The following IL1RAPL2 variants were observed in gnomAD, a reference collection of about 807,000 sequenced individuals.
The protein encoded by IL1RAPL2 is interleukin 1 receptor accessory protein like 2.
IL1RAPL2 carries 3 observed loss-of-function variants against 44.1 expected under a neutral mutation model. That is an observed-to-expected ratio of 0.07 (90% confidence interval 0.03 to 0.18). The LOEUF (loss-of-function observed/expected upper bound fraction) is 0.18, where lower values mean the gene tolerates loss of function less well. Ranked by LOEUF, IL1RAPL2 falls within the 10% of genes least tolerant of loss-of-function variation. The pLI is 1.00. For synonymous variants in IL1RAPL2, 181 were observed against 178.8 expected (o/e 1.01, Z -0.10); for missense variants, 391 against 496.4 (o/e 0.79, Z 2.02).
chrX:105,201,362 G>A (rs191365550), intron 3 of IL1RAPL2, among the ~76,000 whole-genome samples: 1 of 112,010 alleles, frequency 8.9e-6, no homozygotes, highest in East Asian at 2.8e-4. Context: ...GTGGGTACAT[G>A]AGGATTCATC....
intron 5 of IL1RAPL2, among the ~76,000 whole-genome samples, chrX:105,325,207 A>AT (rs2034926687): frequency 9.1e-6 from 1 of 110,108 alleles, no homozygotes; most frequent in Non-Finnish European, 1.9e-5. Context: ...AGTAACTCAC[A>AT]TTTTTTCAGC....
intron 6 of IL1RAPL2, among the ~76,000 whole-genome samples, chrX:105,516,799 C>T (rs1035722258): frequency 1.3e-4 from 15 of 111,593 alleles, no homozygotes; most frequent in African/African-American, 4.2e-4. Flanking sequence ...ATTTCATAGA[C>T]GTTTTTTGCA....
At chrX:105,031,663 T>G (rs1013220163) in intron 2 of IL1RAPL2, among the ~76,000 whole-genome samples, 2 of 111,894 alleles carry the variant, frequency 1.8e-5, no homozygotes, top group Non-Finnish European at 3.8e-5. Context: ...TTATTGAGGA[T>G]TTTTGCATCA....
In IL1RAPL2 at chrX:105,722,499, ATT is replaced by A. The variant is rs1442212209; in HGVS notation, c.902+5006_902+5007del. The stretch of plus-strand genomic sequence containing the variant: ...CACAGCAAATTGGAACAAATCCAGC[ATT>A]TTAATAGAAAAAAATTGCTAATCAT... On this transcript the variant is annotated intron_variant, in intron 7 of 10. Transcript: ENST00000372582. 3.6e-5 allele frequency among the ~76,000 whole-genome samples: 4 copies of A among 111,798 alleles called. No homozygotes were observed. The South Asian group carries it at 1.5e-3, about 42-fold the overall frequency.
At chrX:105,621,881 CCCATGTGTGTAGCTCA>C (rs762380923) in intron 6 of IL1RAPL2, among the ~76,000 whole-genome samples, 5 of 110,742 alleles carry the variant, frequency 4.5e-5, no homozygotes, top group Non-Finnish European at 7.6e-5. Flanking sequence ...ATTAAGCTGA[CCCATGTGTGTAGCTCA>C]CCACATTCCC....
chrX:105,484,582 A>G (rs2036253477), intron 6 of IL1RAPL2, among the ~76,000 whole-genome samples, 195 bp downstream of exon 6: 1 of 112,223 alleles, frequency 8.9e-6, no homozygotes, highest in Non-Finnish European at 1.9e-5. Flanking sequence ...AAAAAATGGT[A>G]ATACTAATTA....
intron 2 of IL1RAPL2, among the ~76,000 whole-genome samples, chrX:104,724,770 A>G (rs1276078935): frequency 9.0e-6 from 1 of 111,664 alleles, no homozygotes; most frequent in Non-Finnish European, 1.9e-5. Flanking sequence ...AACACCATTT[A>G]TTGAATAGGG....
At chrX:104,605,854 G>T (rs1392808206) in intron 1 of IL1RAPL2, among the ~76,000 whole-genome samples, 2 of 111,550 alleles carry the variant, frequency 1.8e-5, no homozygotes, top group Non-Finnish European at 3.8e-5. Flanking sequence ...AAAAGCCCAG[G>T]ACCAGATGGA....
intron 6 of IL1RAPL2, among the ~76,000 whole-genome samples, chrX:105,608,291 T>C (rs984783934): frequency 9.0e-6 from 1 of 111,637 alleles, no homozygotes; most frequent in Non-Finnish European, 1.9e-5. Context: ...GTGGCTCTTT[T>C]AAGTAATCAA....
chrX:105,311,962 T>A (rs1405448716), intron 5 of IL1RAPL2, among the ~76,000 whole-genome samples: 1 of 111,807 alleles, frequency 8.9e-6, no homozygotes, highest in Non-Finnish European at 1.9e-5. Context: ...TTGTGTGACA[T>A]TGTTTACAAG....
intron 4 of IL1RAPL2, among the ~76,000 whole-genome samples, chrX:105,248,592 A>C (rs1387592208): frequency 9.0e-6 from 1 of 111,542 alleles, no homozygotes; most frequent in Non-Finnish European, 1.9e-5. Flanking sequence ...GCAAACCATC[A>C]ATCGGACAAG....
intron 2 of IL1RAPL2, among the ~76,000 whole-genome samples, chrX:104,894,651 A>T (rs763237095): frequency 2.0e-4 from 22 of 111,298 alleles, no homozygotes; most frequent in Non-Finnish European, 4.1e-4. Flanking sequence ...TCATTTAAGG[A>T]CTTCTCTACA....
At chrX:104,581,676 C>T (rs1203523019) in intron 1 of IL1RAPL2, among the ~76,000 whole-genome samples, 2 of 110,833 alleles carry the variant, frequency 1.8e-5, no homozygotes, top group African/African-American at 6.6e-5. Context: ...AAGGGAGACA[C>T]TGAAGATCTT....
Position 105,346,814 on chromosome X carries a change from A to T in IL1RAPL2, c.697+79273A>T, listed in dbSNP as rs750661570. Among the ~76,000 whole-genome samples, 3 of 112,326 alleles carry T rather than the reference A, an allele frequency of 2.7e-5. No individual in the cohort carries two copies. The East Asian group carries it at 8.4e-4, about 31-fold the overall frequency. ...AGTTTAAAAGCAGATTTTTAAAAAA[A>T]GACTTTATTGTGTAATAATTTAGCA... On this transcript the variant is annotated intron_variant, in intron 5 of 10. Transcript: ENST00000372582.
intron 2 of IL1RAPL2, among the ~76,000 whole-genome samples, chrX:104,949,229 A>G (rs1925492386): frequency 9.2e-6 from 1 of 108,858 alleles, no homozygotes; most frequent in Admixed American, 9.8e-5. Flanking sequence ...GTATTCTCTG[A>G]TGGTAGTTTG....
At chrX:105,636,341 C>T (rs1475281730) in intron 6 of IL1RAPL2, among the ~76,000 whole-genome samples, 3 of 110,906 alleles carry the variant, frequency 2.7e-5, no homozygotes, top group African/African-American at 9.8e-5. Context: ...GACTGTTACT[C>T]ATAAAAATAT....
chrX:104,797,864 A>G (rs1029136913), intron 2 of IL1RAPL2, among the ~76,000 whole-genome samples: 5 of 112,369 alleles, frequency 4.4e-5, no homozygotes, highest in African/African-American at 1.6e-4. Context: ...TCATTATGAG[A>G]TAGGCAAACA....
intron 5 of IL1RAPL2, among the ~76,000 whole-genome samples, chrX:105,313,424 C>G (rs764836883): frequency 8.9e-6 from 1 of 111,795 alleles, no homozygotes; most frequent in African/African-American, 3.2e-5. Context: ...CATCAGGACT[C>G]GATCCTTTCC....
At chrX:104,626,263 T>C (rs1382000196) in intron 1 of IL1RAPL2, among the ~76,000 whole-genome samples, 1 of 108,132 alleles carries the variant, frequency 9.2e-6, no homozygotes, top group Non-Finnish European at 1.9e-5. Flanking sequence ...ATTTATTGAC[T>C]AAATTAAGAG....
Sources: allele counts gnomAD v4.1 joint callset (sites outside exome capture counted in the v4.1 genomes callset), GRCh38; gene constraint gnomAD v4.1.1; transcripts MANE v1.5; gene names NCBI Gene and HGNC (gene_info 2026-07-23, HGNC 2026-07-21).